DZANK1: variants seen among roughly 807,000 people sequenced by gnomAD.
The protein encoded by DZANK1 is double zinc ribbon and ankyrin repeat-containing protein 1.
In DZANK1, 91 loss-of-function variants were observed where a neutral mutation model predicts 94.5. That is an observed-to-expected ratio of 0.96 (90% CI 0.81 to 1.15). The LOEUF is 1.15. DZANK1 is among the 50% of genes most tolerant of loss of function. DZANK1 has a pLI of 0.00. For synonymous variants in DZANK1, 312 were observed against 325.3 expected, an observed-to-expected ratio of 0.96 and a Z score of 0.44; for missense variants, 903 against 916.4, an observed-to-expected ratio of 0.99 and a Z score of 0.19.
At chr20:18,462,271 G>A (rs1038622530) in intron 2 of DZANK1, among the ~76,000 whole-genome samples, 2 of 151,988 alleles carry the variant, frequency 1.3e-5, no homozygotes, top group Admixed American at 1.3e-4. Context: ...TTTTAGGAAG[G>A]ACACTGAAAC....
intron 2 of DZANK1, among the ~76,000 whole-genome samples, chr20:18,460,653 C>G (rs576812063): frequency 6.6e-6 from 1 of 151,862 alleles, no homozygotes; most frequent in African/African-American, 2.4e-5. Context: ...TGCCAGAAAC[C>G]GGGACGCAGA....
intron 7 of DZANK1, among the ~76,000 whole-genome samples, chr20:18,447,197 T>C (rs1358762401): frequency 3.3e-5 from 5 of 152,194 alleles, no homozygotes; most frequent in Admixed American, 6.5e-5. Context: ...TCAACTTGGC[T>C]GGGTGTGGTG....
intron 8 of DZANK1, among the ~76,000 whole-genome samples, chr20:18,434,313 G>A (rs540908219): frequency 3.7e-4 from 56 of 152,168 alleles, no homozygotes; most frequent in African/African-American, 1.2e-3. Flanking sequence ...GGGAGGCCGA[G>A]GTGGGTGGAT....
chr20:18,390,411 T>C (rs760874356), exon 18 of DZANK1: 1 of 1,613,750 alleles, frequency 6.2e-7, no homozygotes, highest in Non-Finnish European at 8.5e-7. Flanking sequence ...ACAGAGACTC[T>C]TCCTTCCCCC....
intron 13 of DZANK1, among the ~76,000 whole-genome samples, chr20:18,410,491 TAA>T (rs2057199146): frequency 6.6e-6 from 1 of 151,720 alleles, no homozygotes; most frequent in Admixed American, 6.6e-5. Flanking sequence ...AAGAAAGCAG[TAA>T]AGGAGCAACA....
intron 2 of DZANK1, among the ~76,000 whole-genome samples, chr20:18,462,582 C>T (rs1360588889): frequency 6.6e-6 from 1 of 152,020 alleles, no homozygotes; most frequent in East Asian, 1.9e-4. Context: ...GTCAGAATGG[C>T]CTTTGTTAAA....
intron 19 of DZANK1, among the ~76,000 whole-genome samples, chr20:18,387,310 A>C (rs936601963): frequency 2.0e-5 from 3 of 152,232 alleles, no homozygotes; most frequent in African/African-American, 7.2e-5. Context: ...CTATGTATCC[A>C]CAGTTCAGTT....
chr20:18,432,929 T>C (rs2058342300), intron 9 of DZANK1: 2 of 152,200 alleles, frequency 1.3e-5, no homozygotes, highest in Admixed American at 1.3e-4. Flanking sequence ...TACATAACTT[T>C]TTCTTCCATG....
chr20:18,465,563 G>C, intron 1 of DZANK1, 186 bp from the exon 2 acceptor site: 1 of 261,210 alleles, frequency 3.8e-6, no homozygotes, highest in East Asian at 6.5e-5. Flanking sequence ...CTTGTGTGGG[G>C]TTTTGATTAT....
chr20:18,433,669 C>T lies in DZANK1; in HGVS notation c.844G>A (p.Ala282Thr), dbSNP rs776960261. The T allele has an allele frequency of 3.1e-6, 5 of 1,613,958 alleles. No homozygotes were observed. Among genetic ancestry groups the T allele is most frequent in the Admixed American group, 3.3e-5 (2 of 60,022 alleles). ...TTCATTACCTTCAAGTGGAGGCTTG[C>T]CTGTGGCTGCAGCTGTAGAGCAAGA... The change falls in exon 9 of 21, where the codon GCA (alanine) becomes ACA (threonine). Residue 282 changes from alanine to threonine, a missense_variant. By Grantham distance (58) the Ala-to-Thr change is moderately conservative. Coordinates refer to ENST00000262547, the Ensembl canonical transcript of DZANK1.
At chr20:18,414,129 T>C (rs1004824387) in intron 12 of DZANK1, among the ~76,000 whole-genome samples, 1 of 152,350 alleles carries the variant, frequency 6.6e-6, no homozygotes, top group Non-Finnish European at 1.5e-5. Context: ...TTCTGTCTCA[T>C]GTATTTTAAA....
chr20:18,406,475 G>A (rs1337635206), intron 13 of DZANK1, among the ~76,000 whole-genome samples: 1 of 152,200 alleles, frequency 6.6e-6, no homozygotes, highest in African/African-American at 2.4e-5. Context: ...GTCTTGAAGG[G>A]AAGGCCCCAG....
intron 2 of DZANK1, among the ~76,000 whole-genome samples, chr20:18,464,667 CTTTTTTTTTTTT>C (rs1167738427): frequency 9.0e-5 from 7 of 77,824 alleles, no homozygotes; most frequent in Admixed American, 4.9e-4. Flanking sequence ...AGCACCGGGA[CTTTTTTTTTTTT>C]TTTTTTTTTT....
At position 18,398,594 on chromosome 20, in the gene DZANK1, C is replaced by T. The variant is rs781037965; in HGVS notation, c.1465G>A (p.Ala489Thr). The change falls in exon 14 of 21, where the codon GCT becomes ACT. Residue 489 changes from alanine to threonine, a missense_variant. By Grantham distance (58) the Ala-to-Thr change is moderately conservative. Transcript: ENST00000262547. ...TTCTGAGCATAACACCTGAGGTGAG[C>T]AGAGATGTGATCCAGCTGTCTTCTC... 1.9e-6 allele frequency: 3 copies of T among 1,613,954 alleles called. No individual in the cohort carries two copies. In the Admixed American group the frequency reaches 5.0e-5, roughly 27 times the overall value.
intron 19 of DZANK1, among the ~76,000 whole-genome samples, chr20:18,388,314 A>G (rs1568864942): frequency 6.6e-6 from 1 of 152,234 alleles, no homozygotes; most frequent in African/African-American, 2.4e-5. Flanking sequence ...CTTTACAGAC[A>G]TGCAATGAGA....
rs550536593 is a variant in DZANK1 at position 18,394,898 on chromosome 20, T to C, written c.1612-548A>G. 113 of 456,630 alleles carry C rather than the reference T, an allele frequency of 2.5e-4. 2 individuals carry two copies. Among genetic ancestry groups the C allele is most frequent in the South Asian group, 1.7e-3 (111 of 64,570 alleles). 28.3% of individuals were successfully genotyped at this position (456,630 alleles called of 1,614,324 possible). A position where few individuals can be genotyped will look rare whatever the true frequency, so the allele number is the denominator to read the frequency against. On this transcript the variant is annotated intron_variant, in intron 15 of 20. Transcript: ENST00000262547. ...TAATATGACCTACCTCAATGGCATGTCGTGAAAGCAAAATGCAGTAAAATG... is the reference window on the plus strand; with the variant it reads ...TAATATGACCTACCTCAATGGCATGCCGTGAAAGCAAAATGCAGTAAAATG...
In DZANK1 at chr20:18,396,502, GA is replaced by G; in HGVS notation, c.1580del (p.Ile527ThrfsTer3). 1.9e-6 allele frequency: 3 copies of G among 1,613,504 alleles called. No homozygotes were observed. The highest frequency in any genetic ancestry group is 2.5e-6 in the Non-Finnish European group (3 of 1,179,678). The stretch of plus-strand genomic sequence containing the variant: ...TTGAGACTTGACTATAATTCAGTCT[GA>G]TGCTAACTTCACAACCATCTTCGTG... On this transcript the variant is annotated frameshift_variant, in exon 15 of 21. Transcript: ENST00000262547. LOFTEE classifies it high-confidence loss of function.
exon 12 of DZANK1, chr20:18,414,433 C>T: frequency 6.2e-7 from 1 of 1,613,912 alleles, no homozygotes; most frequent in Non-Finnish European, 8.5e-7. Flanking sequence ...ACAAATACCA[C>T]AGGAGCCACA....
chr20:18,402,626 A>G (rs748920476), intron 13 of DZANK1, among the ~76,000 whole-genome samples: 8 of 152,152 alleles, frequency 5.3e-5, no homozygotes, highest in Non-Finnish European at 1.2e-4. Context: ...TGAACAGCAC[A>G]CTTGAATCTC....
Sources: gnomAD v4.1 joint callset for allele counts (sites outside exome capture counted in the v4.1 genomes callset) on GRCh38, gnomAD v4.1.1 for gene constraint, MANE v1.5 for transcripts, NCBI Gene and HGNC (gene_info 2026-07-23, HGNC 2026-07-21) for gene names.